Variants in ST8SIA2 observed in about 807,000 individuals in gnomAD.
ST8SIA2 encodes the protein alpha-2,8-sialyltransferase 8B.
In ST8SIA2, 22 loss-of-function variants were observed where a neutral mutation model predicts 37.6. The observed-to-expected ratio is 0.58, with a 90% CI of 0.42 to 0.83. The LOEUF (loss-of-function observed/expected upper bound fraction) is 0.83, where lower values mean the gene tolerates loss of function less well. Among genes scored for constraint, ST8SIA2 ranks in the 40% least tolerant of loss-of-function variants. The pLI is 0.00. For missense variants in ST8SIA2, 382 were observed against 484.7 expected (o/e 0.79, Z 1.99); for synonymous variants, 205 against 201.2 (o/e 1.02, Z -0.16).
intron 5 of ST8SIA2, among the ~76,000 whole-genome samples, chr15:92,445,469 T>C (rs1394181305): frequency 6.6e-6 from 1 of 152,224 alleles, no homozygotes; most frequent in Non-Finnish European, 1.5e-5. Context: ...TTATCATCAA[T>C]CATCGCTATC....
intron 4 of ST8SIA2, among the ~76,000 whole-genome samples, chr15:92,442,684 T>A (rs1002156304): frequency 2.0e-5 from 3 of 152,152 alleles, no homozygotes; most frequent in African/African-American, 7.2e-5. Flanking sequence ...TGTGCTGCAG[T>A]GACACCTCAG....
intron 5 of ST8SIA2, among the ~76,000 whole-genome samples, chr15:92,451,283 G>A (rs1219900979): frequency 1.3e-5 from 2 of 152,176 alleles, no homozygotes; most frequent in Non-Finnish European, 2.9e-5. Flanking sequence ...GCCAGGAGCT[G>A]CCACACTGGA....
chr15:92,420,933 A>G (rs548328818), intron 1 of ST8SIA2: 2 of 152,404 alleles, frequency 1.3e-5, no homozygotes, highest in African/African-American at 4.8e-5. Flanking sequence ...GCACCTCAAT[A>G]AAGCTATTCC....
At chr15:92,406,699 T>A (rs1359044052) in intron 1 of ST8SIA2, among the ~76,000 whole-genome samples, 3 of 151,916 alleles carry the variant, frequency 2.0e-5, no homozygotes, top group Admixed American at 6.6e-5. Context: ...ATCAGAAAAA[T>A]GAATAATGAT....
intron 1 of ST8SIA2, among the ~76,000 whole-genome samples, chr15:92,421,624 C>G (rs1457141996): frequency 6.6e-6 from 1 of 152,160 alleles, no homozygotes; most frequent in Non-Finnish European, 1.5e-5. Context: ...AAAGATCATA[C>G]AGATAATGAT....
chr15:92,406,364 G>A (rs1400205147), intron 1 of ST8SIA2, among the ~76,000 whole-genome samples: 1 of 152,166 alleles, frequency 6.6e-6, no homozygotes, highest in Non-Finnish European at 1.5e-5. Context: ...CCCATTTCAG[G>A]ACCACACTTT....
chr15:92,396,582 C>T (rs962249007), intron 1 of ST8SIA2, among the ~76,000 whole-genome samples: 2 of 152,034 alleles, frequency 1.3e-5, no homozygotes, highest in East Asian at 1.9e-4. Flanking sequence ...CAACCTCCGC[C>T]TCCCGGGTTC....
At chr15:92,452,281 A>G (rs1012527890) in intron 5 of ST8SIA2, among the ~76,000 whole-genome samples, 3 of 152,042 alleles carry the variant, frequency 2.0e-5, no homozygotes, top group Non-Finnish European at 4.4e-5. Context: ...TGAATCAGAA[A>G]CTCTAGGAGT....
rs138412966 is a variant in ST8SIA2 at position 92,415,219 on chromosome 15, C to G, written c.99-14830C>G. Among the ~76,000 whole-genome samples, 257 of 152,078 alleles carry G rather than the reference C, an allele frequency of 1.7e-3. 3 individuals carry two copies. Among genetic ancestry groups the G allele is most frequent in the African/African-American group, 5.8e-3 (242 of 41,488 alleles). ...CCTAAGCTTTTGTTTCTGAACATTA[C>G]AGGGAGAAAATGACCATGCCCCTGG... is the stretch of plus-strand genomic sequence containing the variant. On this transcript the variant is annotated intron_variant, in intron 1 of 5. Coordinates refer to ENST00000268164, the MANE Select transcript of ST8SIA2 (RefSeq NM_006011.4).
Position 92,423,640 on chromosome 15 carries a change from G to A in ST8SIA2, c.99-6409G>A, listed in dbSNP as rs117236618. The stretch of plus-strand genomic sequence containing the variant: ...AAGGGGAGGACCACTGTGTCCTCAC[G>A]TGACAGAATGGCAGAAAAAAGTGAA... On this transcript the variant is annotated intron_variant, in intron 1 of 5. Transcript: ENST00000268164. Among the ~76,000 whole-genome samples the A allele has an allele frequency of 7.2e-3, 1,096 of 152,306 alleles. 10 individuals carry two copies. Among genetic ancestry groups the A allele is most frequent in the Middle Eastern group, 0.017 (5 of 294 alleles).
Position 92,441,966 on chromosome 15 carries a change from G to A in ST8SIA2, c.549-2670G>A, listed in dbSNP as rs202093146. Among the ~76,000 whole-genome samples the A allele has an allele frequency of 8.5e-5, 13 of 152,290 alleles. No homozygotes were observed. In the East Asian group the frequency reaches 2.3e-3, roughly 27 times the overall value. On this transcript the variant is annotated intron_variant, in intron 4 of 5. Coordinates refer to ENST00000268164, the MANE Select transcript of ST8SIA2 (RefSeq NM_006011.4). ...TCTTCAATGTGTACCTGTAGGTGTGGTGGTTTCTGGAAGGGAGTGACTCCT... is the reference window on the plus strand; with the variant it reads ...TCTTCAATGTGTACCTGTAGGTGTGATGGTTTCTGGAAGGGAGTGACTCCT...
At chr15:92,458,029 A>G (rs956707664) in intron 5 of ST8SIA2, among the ~76,000 whole-genome samples, 2 of 152,012 alleles carry the variant, frequency 1.3e-5, no homozygotes, top group South Asian at 4.2e-4. Flanking sequence ...ACATCTTCCC[A>G]TTTTTCAATT....
Position 92,434,360 on chromosome 15 carries a change from T to A in ST8SIA2, c.275T>A (p.Leu92His), listed in dbSNP as rs939576911. ...ASSKWRHNQT[L>H]SLRIRKQILK... is the part of the protein sequence containing the mutation. ...TCCAAATGGAGACATAACCAGACGCTCTCTCTGAGGATCAGGTACTGGTAA... is the reference window on the plus strand; with the variant it reads ...TCCAAATGGAGACATAACCAGACGCACTCTCTGAGGATCAGGTACTGGTAA... Residue 92 changes from leucine to histidine, a missense_variant, in exon 3 of 6, where the codon CTC becomes CAC. Transcript: ENST00000268164. The A allele has an allele frequency of 6.2e-7, 1 of 1,614,160 alleles. No individual in the cohort carries two copies. The highest frequency in any genetic ancestry group is 2.2e-5 in the East Asian group (1 of 44,884).
intron 1 of ST8SIA2, among the ~76,000 whole-genome samples, chr15:92,403,438 C>G (rs893534343): frequency 2.6e-5 from 4 of 152,178 alleles, no homozygotes; most frequent in African/African-American, 7.2e-5. Flanking sequence ...ATAGACTCAT[C>G]ATGTCAGATA....
chr15:92,422,950 G>A (rs1452396239), intron 1 of ST8SIA2, among the ~76,000 whole-genome samples: 8 of 152,134 alleles, frequency 5.3e-5, no homozygotes, highest in Admixed American at 1.3e-4. Context: ...TAGAACTGCC[G>A]TATCAACTTC....
chr15:92,412,962 CCT>C (rs1268689184), intron 1 of ST8SIA2, among the ~76,000 whole-genome samples: 3 of 152,022 alleles, frequency 2.0e-5, no homozygotes, highest in African/African-American at 7.2e-5. Context: ...CCAGCCCTTG[CCT>C]CTGTTTTCTT....
chr15:92,395,810 A>G (rs572503578), intron 1 of ST8SIA2, among the ~76,000 whole-genome samples: 1 of 152,294 alleles, frequency 6.6e-6, no homozygotes, highest in Admixed American at 6.5e-5. Flanking sequence ...TGCCCATGTG[A>G]GAGGGAAGGC....
intron 1 of ST8SIA2, among the ~76,000 whole-genome samples, chr15:92,415,881 C>T (rs2049582653): frequency 6.6e-6 from 1 of 152,064 alleles, no homozygotes; most frequent in Admixed American, 6.6e-5. Flanking sequence ...TGAACTGAGT[C>T]ACGCATTCCA....
At chr15:92,411,391 A>G (rs2049548518) in intron 1 of ST8SIA2, among the ~76,000 whole-genome samples, 1 of 151,820 alleles carries the variant, frequency 6.6e-6, no homozygotes, top group South Asian at 2.1e-4. Context: ...AGGAAGAGGG[A>G]GTTAGGAAGC....
Sources: allele counts gnomAD v4.1 joint callset (sites outside exome capture counted in the v4.1 genomes callset), GRCh38; gene constraint gnomAD v4.1.1; transcripts MANE v1.5; gene names NCBI Gene and HGNC (gene_info 2026-07-23, HGNC 2026-07-21).